The following PBX1 variants were observed in gnomAD, a reference collection of about 807,000 sequenced individuals.
PBX1 encodes PBX homeobox 1, also known as pre-B-cell leukemia transcription factor 1.
Under a neutral mutation model 53.4 loss-of-function variants are expected in PBX1, and 6 were observed. The observed-to-expected ratio is 0.11, with a 90% confidence interval of 0.06 to 0.22. The LOEUF is 0.22. PBX1 is among the 10% of genes least tolerant of loss of function. The pLI is 1.00. For missense variants in PBX1, 251 were observed against 551.4 expected, an observed-to-expected ratio of 0.46 and a Z score of 5.46; for synonymous variants, 204 against 212.3, an observed-to-expected ratio of 0.96 and a Z score of 0.34.
chr1:164,560,878 AT>A (rs1223670305), intron 1 of PBX1, among the ~76,000 whole-genome samples: 1 of 152,182 alleles, frequency 6.6e-6, no homozygotes, highest in Non-Finnish European at 1.5e-5. Context: ...AAATGAAAGC[AT>A]TTATGAATTT....
chr1:164,860,162 T>C (rs749617439), intron 2 of PBX1, among the ~76,000 whole-genome samples: 1 of 152,170 alleles, frequency 6.6e-6, no homozygotes, highest in Non-Finnish European at 1.5e-5. Flanking sequence ...GCAGTGGTGA[T>C]GTTGATTTAA....
At chr1:164,795,514 A>C (rs1668735391) in intron 3 of PBX1, among the ~76,000 whole-genome samples, 1 of 152,260 alleles carries the variant, frequency 6.6e-6, no homozygotes, top group South Asian at 2.1e-4. Flanking sequence ...TGTTCAGTGT[A>C]GAAGTTGTAC....
intron 2 of PBX1, chr1:164,590,482 G>A (rs902306291): frequency 6.6e-6 from 3 of 455,938 alleles, no homozygotes; most frequent in South Asian, 1.5e-5. Context: ...CTAAACTGAC[G>A]AGGAGGAAGT....
intron 2 of PBX1, among the ~76,000 whole-genome samples, chr1:164,862,351 A>G (rs1672120241): frequency 6.6e-6 from 1 of 152,174 alleles, no homozygotes. Flanking sequence ...AGTTCCCACC[A>G]AGGATTATTG....
intron 2 of PBX1, among the ~76,000 whole-genome samples, chr1:164,638,824 C>T (rs566437002): frequency 1.3e-5 from 2 of 152,158 alleles, no homozygotes; most frequent in Non-Finnish European, 2.9e-5. Flanking sequence ...GTCAGAGTGC[C>T]GGCCTTTACT....
At chr1:164,601,399 G>C (rs1486118013) in intron 2 of PBX1, among the ~76,000 whole-genome samples, 1 of 152,070 alleles carries the variant, frequency 6.6e-6, no homozygotes, top group African/African-American at 2.4e-5. Flanking sequence ...AGTTCTTTCT[G>C]AGGCATCCGA....
chr1:164,733,616 A>G (rs1488443509), intron 2 of PBX1, among the ~76,000 whole-genome samples: 2 of 152,224 alleles, frequency 1.3e-5, no homozygotes, highest in Admixed American at 6.5e-5. Context: ...TTTGTTCTAT[A>G]TACTAAAACC....
intron 2 of PBX1, among the ~76,000 whole-genome samples, chr1:164,857,448 G>A (rs538853875): frequency 6.6e-6 from 1 of 152,246 alleles, no homozygotes; most frequent in Admixed American, 6.5e-5. Context: ...CCATTGTTTA[G>A]GGATCTCATG....
At chr1:164,645,838 T>G (rs1321317021) in intron 2 of PBX1, among the ~76,000 whole-genome samples, 1 of 152,210 alleles carries the variant, frequency 6.6e-6, no homozygotes, top group Non-Finnish European at 1.5e-5. Context: ...TTTTTTAACT[T>G]TCTTCAGTCC....
intron 2 of PBX1, among the ~76,000 whole-genome samples, chr1:164,640,083 T>C (rs563672580): frequency 2.2e-4 from 33 of 152,274 alleles, no homozygotes; most frequent in African/African-American, 6.0e-4. Flanking sequence ...GTTCTAGGTA[T>C]TGACAAGACT....
At chr1:164,825,009 C>G (rs1045149145) in intron 8 of PBX1, among the ~76,000 whole-genome samples, 1 of 152,210 alleles carries the variant, frequency 6.6e-6, no homozygotes, top group African/African-American at 2.4e-5. Context: ...CAAGCAAGCT[C>G]AAACCCTGAG....
chr1:164,847,992 C>T lies in PBX1; in HGVS notation c.*1316C>T, dbSNP rs6683162. ...TTAATTTTTTGTTTTATATTAGGCA[C>T]ACTGTATTAATTTTCCAAAATGTTA... On this transcript the variant is annotated 3_prime_UTR_variant, in exon 9 of 9. Coordinates refer to ENST00000420696, the MANE Select transcript of PBX1 (RefSeq NM_002585.4). 7.4e-5 allele frequency: 78 copies of T among 1,050,354 alleles called. No individual in the cohort carries two copies. In the African/African-American group the frequency reaches 1.2e-3, roughly 16 times the overall value. The allele number at this position is 1,050,354 out of a possible 1,614,324, so 65.1% of individuals were successfully genotyped here.
Position 164,703,834 on chromosome 1 carries a change from T to C in PBX1, c.266-88660T>C, listed in dbSNP as rs901428021. 3.9e-5 allele frequency among the ~76,000 whole-genome samples: 6 copies of C among 152,172 alleles called. 1 individual carries two copies. The highest frequency in any genetic ancestry group is 3.3e-4 in the Admixed American group (5 of 15,278). Reference sequence around the variant, plus strand: ...CTAAGTCCCTTCTCCACACATCCAATTGCACCCATGAGAACCGAACCACCA... The same window carrying C: ...CTAAGTCCCTTCTCCACACATCCAACTGCACCCATGAGAACCGAACCACCA... On this transcript the variant is annotated intron_variant, in intron 2 of 8. Coordinates refer to ENST00000420696, the MANE Select transcript of PBX1 (RefSeq NM_002585.4).
intron 8 of PBX1, 113 bp downstream of exon 8, chr1:164,821,739 G>A: frequency 1.3e-6 from 1 of 792,510 alleles, no homozygotes; most frequent in Non-Finnish European, 2.2e-6. Context: ...TAGCTTTACG[G>A]TCACCTAGTT....
intron 2 of PBX1, among the ~76,000 whole-genome samples, chr1:164,750,948 T>A (rs1666178453): frequency 6.6e-6 from 1 of 152,142 alleles, no homozygotes; most frequent in Non-Finnish European, 1.5e-5. Context: ...TAACAATTTT[T>A]AAATAGGGTC....
In PBX1 at chr1:164,738,008, C is replaced by CAT. The variant is rs568682028; in HGVS notation, c.266-54473_266-54472dup. On this transcript the variant is annotated intron_variant, in intron 2 of 8. Transcript: ENST00000420696. ...TATGGAATATAGTTGTGTCATGCTT[C>CAT]ATATATATATATATGGCTTTTCATG... Among the ~76,000 whole-genome samples the CAT allele has an allele frequency of 2.3e-3, 352 of 150,868 alleles. 3 individuals are homozygous for CAT. The highest frequency in any genetic ancestry group is 3.4e-3 in the Non-Finnish European group (227 of 67,622).
At chr1:164,589,715 G>A (rs1655226970) in intron 2 of PBX1, among the ~76,000 whole-genome samples, 1 of 152,144 alleles carries the variant, frequency 6.6e-6, no homozygotes, top group Admixed American at 6.5e-5. Flanking sequence ...CTGTCACCAT[G>A]GGGAAGGAGA....
intron 2 of PBX1, among the ~76,000 whole-genome samples, chr1:164,573,396 A>G (rs1654003986): frequency 6.6e-6 from 1 of 152,096 alleles, no homozygotes; most frequent in Non-Finnish European, 1.5e-5. Flanking sequence ...TAATCAACAT[A>G]AAAATTAATG....
chr1:164,609,285 GAC>G (rs1331185983), intron 2 of PBX1, among the ~76,000 whole-genome samples: 1 of 151,940 alleles, frequency 6.6e-6, no homozygotes, highest in Non-Finnish European at 1.5e-5. Context: ...AGTCTCTGGG[GAC>G]ACAAAATTGA....
Sources: gnomAD v4.1 joint callset for allele counts (sites outside exome capture counted in the v4.1 genomes callset) on GRCh38, gnomAD v4.1.1 for gene constraint, MANE v1.5 for transcripts, NCBI Gene and HGNC (gene_info 2026-07-23, HGNC 2026-07-21) for gene names.